The following UBAC2 variants were observed in gnomAD, a reference collection of about 807,000 sequenced individuals.
UBAC2 encodes ubiquitin-associated domain-containing protein 2.
A neutral mutation model predicts 44.0 loss-of-function variants in UBAC2; 26 were observed. The observed-to-expected ratio is 0.59, with a 90% CI of 0.43 to 0.82. UBAC2 has a LOEUF of 0.82. Among genes scored for constraint, UBAC2 ranks in the 40% least tolerant of loss-of-function variants. The pLI, the probability that UBAC2 is intolerant of heterozygous loss-of-function variation, is 0.00. For synonymous variants in UBAC2, 155 were observed against 154.3 expected (o/e 1.00, Z -0.04); for missense variants, 329 against 419.4 (o/e 0.78, Z 1.88).
chr13:99,363,135 G>T (rs1257502120), intron 7 of UBAC2, among the ~76,000 whole-genome samples: 3 of 152,046 alleles, frequency 2.0e-5, no homozygotes, highest in Non-Finnish European at 2.9e-5. Flanking sequence ...TATTCAGTAC[G>T]GGCTCATAAC....
chr13:99,244,047 C>T, intron 3 of UBAC2, 96 bp downstream of exon 3: 2 of 1,057,178 alleles, frequency 1.9e-6, no homozygotes, highest in Non-Finnish European at 2.6e-6. Flanking sequence ...TTGTTATTTA[C>T]AGTTATCTTT....
At chr13:99,321,470 G>A (rs1003389972) in intron 6 of UBAC2, among the ~76,000 whole-genome samples, 3 of 152,012 alleles carry the variant, frequency 2.0e-5, no homozygotes, top group Non-Finnish European at 4.4e-5. Context: ...CACCAAGCCC[G>A]GCTACTTTTT....
intron 1 of UBAC2, 55 bp from the exon 2 acceptor site, chr13:99,238,372 G>GT (rs2043263532): frequency 6.4e-7 from 1 of 1,572,280 alleles, no homozygotes. Context: ...CACGCATGTG[G>GT]TTTTTTAAAT....
intron 4 of UBAC2, among the ~76,000 whole-genome samples, chr13:99,280,952 G>A (rs968137422): frequency 1.3e-5 from 2 of 152,062 alleles, no homozygotes; most frequent in African/African-American, 2.4e-5. Context: ...TTGGGAGGCC[G>A]AGGCAGGCAG....
At chr13:99,373,840 C>T (rs572364065) in intron 8 of UBAC2, among the ~76,000 whole-genome samples, 10 of 152,194 alleles carry the variant, frequency 6.6e-5, no homozygotes, top group South Asian at 4.2e-4. Context: ...AGGAACCATG[C>T]GGGATCTTAC....
intron 4 of UBAC2, among the ~76,000 whole-genome samples, chr13:99,287,643 C>CTTTTTTTTTTTTTTT (rs11304203): frequency 1.2e-3 from 112 of 95,090 alleles, no homozygotes; most frequent in African/African-American, 2.0e-3. Context: ...TTTTTTCTTT[C>CTTTTTTTTTTTTTTT]TTTTTTTTTT....
chr13:99,201,221 T>C lies in UBAC2; in HGVS notation c.31+282T>C, dbSNP rs41315058. On this transcript the variant is annotated intron_variant, in intron 1 of 8. Transcript: ENST00000403766. ...AGGAGTCTCTTGGGGCCGCTGCAAG[T>C]GGGCAGGTGCCCTGGTGTTCTCGTG... The C allele has an allele frequency of 4.3e-4, 609 of 1,426,098 alleles. 2 individuals are homozygous for C. The highest frequency in any genetic ancestry group is 1.1e-3 in the Admixed American group (38 of 34,264). The allele number at this position is 1,426,098 out of a possible 1,614,324, so 88.3% of individuals were successfully genotyped here.
intron 6 of UBAC2, among the ~76,000 whole-genome samples, chr13:99,338,599 T>C (rs1183482048): frequency 6.6e-6 from 1 of 152,248 alleles, no homozygotes; most frequent in Non-Finnish European, 1.5e-5. Flanking sequence ...TCTGGTTTCA[T>C]GGACCTTGGA....
At chr13:99,228,897 A>G (rs1275361862) in intron 1 of UBAC2, among the ~76,000 whole-genome samples, 1 of 152,220 alleles carries the variant, frequency 6.6e-6, no homozygotes, top group African/African-American at 2.4e-5. Flanking sequence ...TAGTTGGGCT[A>G]TTTTTATATG....
chr13:99,209,959 C>T (rs906510768), intron 1 of UBAC2, among the ~76,000 whole-genome samples: 48 of 151,936 alleles, frequency 3.2e-4, no homozygotes, highest in African/African-American at 1.1e-3. Context: ...AGCCTGGGTG[C>T]GAGACTGTCT....
At chr13:99,278,815 C>A (rs2043917243) in intron 4 of UBAC2, among the ~76,000 whole-genome samples, 1 of 151,978 alleles carries the variant, frequency 6.6e-6, no homozygotes, top group South Asian at 2.1e-4. Flanking sequence ...GAAATCTGTC[C>A]AGGAACATAT....
intron 4 of UBAC2, among the ~76,000 whole-genome samples, chr13:99,263,948 C>T (rs1291014285): frequency 5.9e-5 from 9 of 152,146 alleles, no homozygotes; most frequent in Admixed American, 5.2e-4. Context: ...AATGAAAATA[C>T]AGTGCTTAGG....
intron 4 of UBAC2, among the ~76,000 whole-genome samples, chr13:99,289,248 A>T (rs2044059683): frequency 6.6e-6 from 1 of 152,190 alleles, no homozygotes; most frequent in African/African-American, 2.4e-5. Context: ...AAGTTGAGGA[A>T]AGGAAGATGG....
intron 7 of UBAC2, among the ~76,000 whole-genome samples, chr13:99,358,415 A>C (rs1373071538): frequency 6.6e-6 from 1 of 152,238 alleles, no homozygotes; most frequent in Non-Finnish European, 1.5e-5. Flanking sequence ...AGAATCCAGC[A>C]ACCTTCTAGT....
intron 3 of UBAC2, 129 bp from the exon 4 acceptor site, chr13:99,244,386 T>TGCATGTGTGTATATACACACACACAC (rs2043355867): frequency 5.0e-6 from 3 of 599,578 alleles, no homozygotes; most frequent in Non-Finnish European, 8.7e-6. Context: ...TACACACATA[T>TGCATGTGTGTATATACACACACACAC]GCATGTGTGT....
At chr13:99,263,150 G>A (rs1566475577) in intron 4 of UBAC2, among the ~76,000 whole-genome samples, 1 of 152,108 alleles carries the variant, frequency 6.6e-6, no homozygotes, top group East Asian at 1.9e-4. Flanking sequence ...GTTGAAGTTG[G>A]CCCTACTTAA....
intron 4 of UBAC2, among the ~76,000 whole-genome samples, chr13:99,247,003 T>C (rs2043391823): frequency 6.6e-6 from 1 of 152,162 alleles, no homozygotes; most frequent in African/African-American, 2.4e-5. Context: ...AAAACATTTT[T>C]ATTATTATTT....
chr13:99,340,505 G>A lies in UBAC2; in HGVS notation c.747G>A (p.Leu249=), dbSNP rs2044869650. The A allele has an allele frequency of 6.2e-7, 1 of 1,614,208 alleles. No homozygotes were observed. The highest frequency in any genetic ancestry group is 8.5e-7 in the Non-Finnish European group (1 of 1,180,032). Residue 249 remains leucine, a synonymous_variant, in exon 7 of 9, where the codon CTG becomes CTA. Transcript: ENST00000403766. ...LDIQRQQRME[L]LDRQLMFSQF... ...TCCAGAGACAGCAGAGAATGGAGCT[G>A]CTGGACCGGCAGCTGATGTTCTCTC...
chr13:99,369,958 A>G (rs530901423), intron 8 of UBAC2, among the ~76,000 whole-genome samples: 1 of 152,356 alleles, frequency 6.6e-6, no homozygotes, highest in Non-Finnish European at 1.5e-5. Context: ...ACGATGTTCC[A>G]GATTAAAGGA....
Sources: gnomAD v4.1 joint callset for allele counts (sites outside exome capture counted in the v4.1 genomes callset) on GRCh38, gnomAD v4.1.1 for gene constraint, MANE v1.5 for transcripts, NCBI Gene and HGNC (gene_info 2026-07-23, HGNC 2026-07-21) for gene names.